Variants in ARHGAP6 observed in about 807,000 individuals in gnomAD.
ARHGAP6 encodes the protein Rho GTPase activating protein 6.
A neutral mutation model predicts 55.7 loss-of-function variants in ARHGAP6; 16 were observed. That is an observed-to-expected ratio of 0.29 (90% CI 0.19 to 0.44). ARHGAP6 has a LOEUF of 0.44. Ranked by LOEUF, ARHGAP6 falls within the 20% of genes least tolerant of loss-of-function variation. The pLI, the probability that ARHGAP6 is intolerant of heterozygous loss-of-function variation, is 1.00. For missense variants in ARHGAP6, 698 were observed against 808.9 expected, an observed-to-expected ratio of 0.86 and a Z score of 1.66; for synonymous variants, 382 against 360.9, an observed-to-expected ratio of 1.06 and a Z score of -0.66.
intron 1 of ARHGAP6, among the ~76,000 whole-genome samples, chrX:11,275,312 C>T (rs144714022): frequency 0.02 from 2,255 of 111,771 alleles, 60 homozygotes; most frequent in African/African-American, 0.07. Context: ...TATGCAAATG[C>T]ATCTTGCTTT....
chrX:11,212,072 C>T (rs190703164), intron 2 of ARHGAP6, among the ~76,000 whole-genome samples: 161 of 111,583 alleles, frequency 1.4e-3, no homozygotes, highest in Non-Finnish European at 2.7e-3. Context: ...CAGTTGGCAT[C>T]TGACACAGAA....
chrX:11,378,091 T>C (rs1462698447), intron 1 of ARHGAP6, among the ~76,000 whole-genome samples: 1 of 111,907 alleles, frequency 8.9e-6, no homozygotes, highest in Non-Finnish European at 1.9e-5. Flanking sequence ...TATAGTGTCA[T>C]CTGAGAAAGA....
intron 1 of ARHGAP6, among the ~76,000 whole-genome samples, chrX:11,336,719 T>G (rs1037284990): frequency 1.3e-4 from 15 of 111,736 alleles, no homozygotes; most frequent in African/African-American, 4.6e-4. Flanking sequence ...ATTTAAGATG[T>G]TTCGATCCAA....
intron 1 of ARHGAP6, among the ~76,000 whole-genome samples, chrX:11,425,079 T>C (rs1603199784): frequency 8.9e-6 from 1 of 112,153 alleles, no homozygotes; most frequent in Admixed American, 9.4e-5. Flanking sequence ...ATGAATCAAA[T>C]GTGAGCCACT....
At chrX:11,590,906 G>GA (rs1437706983) in intron 1 of ARHGAP6, among the ~76,000 whole-genome samples, 1 of 91,889 alleles carries the variant, frequency 1.1e-5, no homozygotes, top group African/African-American at 4.3e-5. Flanking sequence ...AAGAAAGAAA[G>GA]AAAGAAAGAA....
intron 1 of ARHGAP6, among the ~76,000 whole-genome samples, chrX:11,526,849 T>C (rs2050994256): frequency 8.9e-6 from 1 of 112,152 alleles, no homozygotes; most frequent in African/African-American, 3.2e-5. Context: ...TCTGTCATTA[T>C]ATTATATCAG....
At chrX:11,307,349 C>T (rs2048249018) in intron 1 of ARHGAP6, among the ~76,000 whole-genome samples, 1 of 111,157 alleles carries the variant, frequency 9.0e-6, no homozygotes, top group Non-Finnish European at 1.9e-5. Flanking sequence ...ACTCTCTCTA[C>T]CTGGCATCTA....
intron 2 of ARHGAP6, among the ~76,000 whole-genome samples, chrX:11,250,098 C>A (rs1456805053): frequency 9.0e-6 from 1 of 111,297 alleles, no homozygotes; most frequent in Non-Finnish European, 1.9e-5. Flanking sequence ...ATTTTTAATT[C>A]TTCAGTTTTG....
intron 1 of ARHGAP6, among the ~76,000 whole-genome samples, chrX:11,629,208 T>A (rs2052333893): frequency 8.9e-6 from 1 of 112,046 alleles, no homozygotes; most frequent in African/African-American, 3.2e-5. Flanking sequence ...TACAATTACC[T>A]CACAGTTCCA....
At chrX:11,658,889 A>G (rs956205234) in intron 1 of ARHGAP6, among the ~76,000 whole-genome samples, 1 of 109,699 alleles carries the variant, frequency 9.1e-6, no homozygotes, top group African/African-American at 3.3e-5. Flanking sequence ...TGGGATGTTT[A>G]CCAGTACCTT....
chrX:11,626,600 A>C (rs1455959812), intron 1 of ARHGAP6, among the ~76,000 whole-genome samples: 14 of 111,927 alleles, frequency 1.3e-4, no homozygotes, highest in Non-Finnish European at 2.6e-4. Flanking sequence ...GCAAATCTAA[A>C]AATGAAAACA....
chrX:11,372,144 T>C (rs1014592277), intron 1 of ARHGAP6, among the ~76,000 whole-genome samples: 1 of 112,413 alleles, frequency 8.9e-6, no homozygotes. Context: ...TAGAACCTGC[T>C]TTCTCCTTTC....
chrX:11,535,436 C>T (rs1001298046), intron 1 of ARHGAP6, among the ~76,000 whole-genome samples: 5 of 112,119 alleles, frequency 4.5e-5, no homozygotes, highest in African/African-American at 1.6e-4. Flanking sequence ...CCAACATCTA[C>T]TGAAGAGCGC....
At chrX:11,246,952 A>G (rs909604016) in intron 2 of ARHGAP6, among the ~76,000 whole-genome samples, 2 of 112,413 alleles carry the variant, frequency 1.8e-5, no homozygotes, top group Admixed American at 1.9e-4. Context: ...GGGTTGTTAT[A>G]TAAACACCCA....
intron 2 of ARHGAP6, among the ~76,000 whole-genome samples, chrX:11,201,987 ATCTGTGTG>A (rs1263882842): frequency 3.5e-5 from 1 of 28,793 alleles, no homozygotes; most frequent in East Asian, 2.1e-3. Flanking sequence ...GAGCATCTGG[ATCTGTGTG>A]TGTGTGTGTG....
intron 2 of ARHGAP6, among the ~76,000 whole-genome samples, chrX:11,232,724 C>T (rs898097674): frequency 9.8e-5 from 11 of 112,204 alleles, no homozygotes; most frequent in Non-Finnish European, 1.5e-4. Flanking sequence ...ACTTTCTTTC[C>T]TCTATGTGTG....
intron 1 of ARHGAP6, among the ~76,000 whole-genome samples, chrX:11,407,456 T>C (rs2147760253): frequency 8.9e-6 from 1 of 112,518 alleles, no homozygotes; most frequent in South Asian, 3.7e-4. Context: ...TGCATGTGCA[T>C]TCATGTATAA....
intron 1 of ARHGAP6, among the ~76,000 whole-genome samples, chrX:11,421,277 T>C (rs899846070): frequency 8.9e-6 from 1 of 112,703 alleles, no homozygotes; most frequent in African/African-American, 3.2e-5. Flanking sequence ...TGAGATACAA[T>C]TAAGTCAGGG....
chrX:11,191,161 G>C (rs2046455074), intron 3 of ARHGAP6, among the ~76,000 whole-genome samples: 4 of 112,905 alleles, frequency 3.5e-5, no homozygotes, highest in Middle Eastern at 4.6e-3. Flanking sequence ...TTTAGGCTTT[G>C]TGGATACGGC....
Sources: allele counts gnomAD v4.1 joint callset (sites outside exome capture counted in the v4.1 genomes callset), GRCh38; gene constraint gnomAD v4.1.1; transcripts MANE v1.5; gene names NCBI Gene and HGNC (gene_info 2026-07-23, HGNC 2026-07-21).